The following ZNF660 variants were observed in gnomAD, a reference collection of about 807,000 sequenced individuals.
The protein encoded by ZNF660 is zinc finger protein 660.
ZNF660 carries 24 observed loss-of-function variants against 23.2 expected under a neutral mutation model. The ratio of observed to expected loss-of-function variants is 1.04; its 90% CI spans 0.75 to 1.46. ZNF660 has a LOEUF of 1.46. Ranked by LOEUF, ZNF660 falls within the 40% of genes most tolerant of loss-of-function variation. The probability of loss-of-function intolerance (pLI) is 0.00; values close to 1 mark genes in which losing one functional copy is unlikely to be tolerated. For synonymous variants in ZNF660, 117 were observed against 131.4 expected (o/e 0.89, Z 0.75); for missense variants, 373 against 396.8 (o/e 0.94, Z 0.51).
chr3:44,596,210 T>C lies in ZNF660; in HGVS notation c.*1021T>C, dbSNP rs1575411293. The C allele has an allele frequency of 6.5e-6, 1 of 153,546 alleles. No individual in the cohort carries two copies. The highest frequency in any genetic ancestry group is 2.4e-5 in the African/African-American group (1 of 41,464). The allele number at this position is 153,546 out of a possible 1,614,324, so 9.5% of individuals were successfully genotyped here. ...CAAACTTTGGGGTTGGAGATATCCA[T>C]GTTCTAACCCCAGTTCTACCATGAA... is the stretch of plus-strand genomic sequence containing the variant. On this transcript the variant is annotated 3_prime_UTR_variant, in exon 3 of 3. Coordinates refer to ENST00000322734, the MANE Select transcript of ZNF660 (RefSeq NM_173658.4).
Position 44,599,495 on chromosome 3 carries a change from A to C in ZNF660, c.*4306A>C, listed in dbSNP as rs1700727198. The C allele has an allele frequency of 6.6e-6, 1 of 152,202 alleles. No individual in the cohort carries two copies. Among genetic ancestry groups the C allele is most frequent in the Non-Finnish European group, 1.5e-5 (1 of 68,038 alleles). 9.4% of individuals were successfully genotyped at this position (152,202 alleles called of 1,614,324 possible). A position where few individuals can be genotyped will look rare whatever the true frequency, so the allele number is the denominator to read the frequency against. On this transcript the variant is annotated 3_prime_UTR_variant, in exon 3 of 3. Transcript: ENST00000322734. ...ATCCCTTAAGACTAAATTTCATTGC[A>C]GCTCTGTACCCTCAGCAGGACTTCC...
rs1483515462 is a variant in ZNF660, at chr3:44,597,638, TTATATA to T, written c.*2451_*2456del. The T allele has an allele frequency of 6.6e-6, 1 of 152,206 alleles. No homozygotes were observed. The highest frequency in any genetic ancestry group is 1.5e-5 in the Non-Finnish European group (1 of 68,032). 9.4% of individuals were successfully genotyped at this position (152,206 alleles called of 1,614,324 possible). ...ATTCCTGAGCAGAATTGTTGATGCT[TTATATA>T]TTGCTGAGCAGATATTCTCTGACCA... On this transcript the variant is annotated 3_prime_UTR_variant, in exon 3 of 3. Transcript: ENST00000322734. This position sits in a 1 kb window ranked among gnomAD's most constrained non-coding sequence, Gnocchi z 4.1.
chr3:44,599,387 G>C lies in ZNF660; in HGVS notation c.*4198G>C, dbSNP rs976232810. 2.0e-5 allele frequency: 3 copies of C among 152,150 alleles called. No homozygotes were observed. The highest frequency in any genetic ancestry group is 7.2e-5 in the African/African-American group (3 of 41,420). The allele number at this position is 152,150 out of a possible 1,614,324, so 9.4% of individuals were successfully genotyped here. ...TTCATAGATGGTGCGTCCTGTGTTA[G>C]GTATTACTTGGAAGAAAATTGAAGT... On this transcript the variant is annotated 3_prime_UTR_variant, in exon 3 of 3. Coordinates refer to ENST00000322734, the MANE Select transcript of ZNF660 (RefSeq NM_173658.4).
At position 44,594,480 on chromosome 3, in the gene ZNF660, A is replaced by G. The variant is rs760538486; in HGVS notation, c.287A>G (p.His96Arg). The change falls in exon 3 of 3, where the codon CAT (histidine) becomes CGT (arginine). Residue 96 changes from histidine (H) to arginine (R), a missense_variant. Coordinates refer to ENST00000322734, the MANE Select transcript of ZNF660 (RefSeq NM_173658.4). ...AGTCATAGCTCTAACCTTGTTGTTC[A>G]TCGGAGAATCCACACTGGACTGAAG... ...AFSHSSNLVVHRRIHTGLKPY... is the reference protein window; with the variant it reads ...AFSHSSNLVVRRRIHTGLKPY... 2 of 1,614,214 alleles carry G rather than the reference A, an allele frequency of 1.2e-6. No individual in the cohort carries two copies. Among genetic ancestry groups the G allele is most frequent in the South Asian group, 1.1e-5 (1 of 91,082 alleles).
Position 44,594,495 on chromosome 3 carries a change from C to T in ZNF660, c.302C>T (p.Thr101Ile). Residue 101 changes from threonine (T) to isoleucine (I), a missense_variant, in exon 3 of 3, where the codon ACT becomes ATT. Coordinates refer to ENST00000322734, the MANE Select transcript of ZNF660 (RefSeq NM_173658.4). ...CTTGTTGTTCATCGGAGAATCCACACTGGACTGAAGCCCTATACATGCAGT... is the reference window on the plus strand; with the variant it reads ...CTTGTTGTTCATCGGAGAATCCACATTGGACTGAAGCCCTATACATGCAGT... The part of the protein sequence containing the change: ...SNLVVHRRIH[T>I]GLKPYTCSEC... 1.9e-6 allele frequency: 3 copies of T among 1,614,210 alleles called. No homozygotes were observed. The highest frequency in any genetic ancestry group is 2.5e-6 in the Non-Finnish European group (3 of 1,180,042).
intron 1 of ZNF660, among the ~76,000 whole-genome samples, 189 bp from the exon 2 acceptor site, chr3:44,585,916 T>C (rs533000786): frequency 6.6e-6 from 1 of 152,334 alleles, no homozygotes; most frequent in South Asian, 2.1e-4. Context: ...AATCACTCAC[T>C]AGCTATAGGA....
At chr3:44,593,990 T>C (rs1197420588) in intron 2 of ZNF660, 24 bp from the exon 3 acceptor site, 1 of 696,784 alleles carries the variant, frequency 1.4e-6, no homozygotes, top group South Asian at 1.5e-5. Context: ...AGGTGACATG[T>C]GCAATTTCTG....
chr3:44,594,396 A>G lies in ZNF660; in HGVS notation c.203A>G (p.His68Arg). ...AFSQSANLTV[H>R]ERIHTGEKPY... ...AGTCAGAGTGCAAACCTCACAGTAC[A>G]TGAGCGAATCCACACGGGAGAGAAA... Residue 68 changes from histidine to arginine, a missense_variant, in exon 3 of 3, where the codon CAT (histidine) becomes CGT (arginine). Physicochemically the swap from His to Arg is conservative, Grantham distance 29. Coordinates refer to ENST00000322734, the MANE Select transcript of ZNF660 (RefSeq NM_173658.4). 6.2e-7 allele frequency: 1 copy of G among 1,614,186 alleles called. No individual in the cohort carries two copies. Among genetic ancestry groups the G allele is most frequent in the Non-Finnish European group, 8.5e-7 (1 of 1,180,038 alleles).
In ZNF660 at chr3:44,594,968, C is replaced by T. The variant is rs764220186; in HGVS notation, c.775C>T (p.Arg259Ter). The change falls in exon 3 of 3, where the codon CGA becomes TGA. Residue 259 changes from arginine to a stop codon, truncating the protein, a stop_gained. Coordinates refer to ENST00000322734, the MANE Select transcript of ZNF660 (RefSeq NM_173658.4). LOFTEE classifies it high-confidence loss of function. ...GTGTGGGAAGGCTTTTACTTCTAAT[C>T]GAAACCTTGTTGATCATCAGAGAGT... ...NECGKAFTSNRNLVDHQRVHT... is the reference protein window; with the variant it reads ...NECGKAFTSN The T allele has an allele frequency of 6.2e-6, 10 of 1,613,678 alleles. No homozygotes were observed. The East Asian group carries it at 6.7e-5, about 11-fold the overall frequency.
rs781640304 is a variant in ZNF660, at chr3:44,594,290, C to G, written c.97C>G (p.Gln33Glu). Residue 33 changes from glutamine to glutamate, a missense_variant, in exon 3 of 3, where the codon CAG becomes GAG. By Grantham distance (29) the Gln-to-Glu change is conservative. Coordinates refer to ENST00000322734, the MANE Select transcript of ZNF660 (RefSeq NM_173658.4). ...SDQESEKDNS[Q>E]CCDPATNERV... ...CCAAGAATCTGAAAAAGACAATAGT[C>G]AGTGCTGTGACCCTGCAACAAATGA... 11 of 1,613,970 alleles carry G rather than the reference C, an allele frequency of 6.8e-6. No homozygotes were observed. Among genetic ancestry groups the G allele is most frequent in the Non-Finnish European group, 1.7e-6 (2 of 1,180,048 alleles).
In ZNF660 at chr3:44,594,052, C is replaced by A; in HGVS notation, c.-142C>A. 9.5e-7 allele frequency: 1 copy of A among 1,054,040 alleles called. No individual in the cohort carries two copies. Among genetic ancestry groups the A allele is most frequent in the Non-Finnish European group, 1.4e-6 (1 of 692,396 alleles). 65.3% of individuals were successfully genotyped at this position (1,054,040 alleles called of 1,614,324 possible). A position where few individuals can be genotyped will look rare whatever the true frequency, so the allele number is the denominator to read the frequency against. ...GACTGAGGAGGAGTTAATTCCAAAG[C>A]ATCATTCCTGAAAAATCAGAATCAT... On this transcript the variant is annotated 5_prime_UTR_variant, in exon 3 of 3. Transcript: ENST00000322734.
At chr3:44,588,542 A>G (rs778822307) in intron 2 of ZNF660, among the ~76,000 whole-genome samples, 4 of 151,852 alleles carry the variant, frequency 2.6e-5, no homozygotes, top group Non-Finnish European at 5.9e-5. Flanking sequence ...TTTTGAGACA[A>G]GTTCTCACTG....
At chr3:44,590,198 T>C (rs114769700) in intron 2 of ZNF660, among the ~76,000 whole-genome samples, 295 of 152,126 alleles carry the variant, frequency 1.9e-3, no homozygotes, top group Non-Finnish European at 3.4e-3. Context: ...TTCATGCTTG[T>C]ATTAGTGTGC....
rs746316466 is a variant in ZNF660, at chr3:44,595,012, C to G, written c.819C>G (p.Pro273=). The stretch of plus-strand genomic sequence containing the variant: ...AGAGAGTTCACACTGGAGAGAAACC[C>G]TATAAATGTAATGAATGTGGGAAAA... The part of the protein sequence containing the change: ...DHQRVHTGEK[P]YKCNECGKTF... The change falls in exon 3 of 3, where the codon CCC becomes CCG. Residue 273 remains proline (P), a synonymous_variant. Coordinates refer to ENST00000322734, the MANE Select transcript of ZNF660 (RefSeq NM_173658.4). 3 of 1,613,856 alleles carry G rather than the reference C, an allele frequency of 1.9e-6. No individual in the cohort carries two copies. The Admixed American group carries it at 5.0e-5, about 27-fold the overall frequency.
chr3:44,599,217 G>C lies in ZNF660; in HGVS notation c.*4028G>C, dbSNP rs868048534. 1 of 152,168 alleles carries C rather than the reference G, an allele frequency of 6.6e-6. No individual in the cohort carries two copies. Among genetic ancestry groups the C allele is most frequent in the Admixed American group, 6.5e-5 (1 of 15,282 alleles). 9.4% of individuals were successfully genotyped at this position (152,168 alleles called of 1,614,324 possible). ...ATCCTGGTTATATAGAATTGCTCCT[G>C]TGTAGAATAAAAATATATATGCTCT... is the stretch of plus-strand genomic sequence containing the variant. On this transcript the variant is annotated 3_prime_UTR_variant, in exon 3 of 3. Coordinates refer to ENST00000322734, the MANE Select transcript of ZNF660 (RefSeq NM_173658.4).
rs748858807 is a variant in ZNF660 at position 44,597,303 on chromosome 3, T to C, written c.*2114T>C. ...AAGGTGATTGTATCTAACAATTATT[T>C]GATATTTGACCATGGTTTTATAGGG... On this transcript the variant is annotated 3_prime_UTR_variant, in exon 3 of 3. Transcript: ENST00000322734. The surrounding 1 kb of genome is among the most constrained non-coding windows in gnomAD (Gnocchi z 4.1). 1 of 152,214 alleles carries C rather than the reference T, an allele frequency of 6.6e-6. No homozygotes were observed. Among genetic ancestry groups the C allele is most frequent in the African/African-American group, 2.4e-5 (1 of 41,460 alleles). 9.4% of individuals were successfully genotyped at this position (152,214 alleles called of 1,614,324 possible).
chr3:44,596,409 G>A lies in ZNF660; in HGVS notation c.*1220G>A, dbSNP rs914976343. ...GATAAAATCTTAAGTATAGGACATT[G>A]TAGCAGTGTTTCTAAACACTTTAGG... is the stretch of plus-strand genomic sequence containing the variant. On this transcript the variant is annotated 3_prime_UTR_variant, in exon 3 of 3. Transcript: ENST00000322734. 4.6e-5 allele frequency: 7 copies of A among 152,228 alleles called. No homozygotes were observed. Among genetic ancestry groups the A allele is most frequent in the African/African-American group, 1.7e-4 (7 of 41,464 alleles). 9.4% of individuals were successfully genotyped at this position (152,228 alleles called of 1,614,324 possible). A position where few individuals can be genotyped will look rare whatever the true frequency, so the allele number is the denominator to read the frequency against.
rs1249889313 is a variant in ZNF660 at position 44,597,361 on chromosome 3, A to G, written c.*2172A>G. 6.6e-6 allele frequency: 1 copy of G among 152,154 alleles called. No individual in the cohort carries two copies. The highest frequency in any genetic ancestry group is 1.5e-5 in the Non-Finnish European group (1 of 68,032). The allele number at this position is 152,154 out of a possible 1,614,324, so 9.4% of individuals were successfully genotyped here. On this transcript the variant is annotated 3_prime_UTR_variant, in exon 3 of 3. Coordinates refer to ENST00000322734, the MANE Select transcript of ZNF660 (RefSeq NM_173658.4). The surrounding 1 kb of genome is among the most constrained non-coding windows in gnomAD (Gnocchi z 4.1). ...TATCAGTGTTCTGTGAATGGGGTTTATGGCCTATCTCTGTACCTCATAATT... is the reference window on the plus strand; with the variant it reads ...TATCAGTGTTCTGTGAATGGGGTTTGTGGCCTATCTCTGTACCTCATAATT...
intron 2 of ZNF660, among the ~76,000 whole-genome samples, chr3:44,593,451 T>C (rs991147608): frequency 1.3e-5 from 2 of 152,082 alleles, no homozygotes; most frequent in East Asian, 1.9e-4. Context: ...CGGTGGCTCA[T>C]GCCTATAATC....
Sources: gnomAD v4.1 joint callset for allele counts (sites outside exome capture counted in the v4.1 genomes callset) on GRCh38, gnomAD v4.1.1 for gene constraint, Gnocchi (gnomAD v3.1) non-coding constraint, MANE v1.5 for transcripts, NCBI Gene and HGNC (gene_info 2026-07-23, HGNC 2026-07-21) for gene names.